TSHZ2: variants seen among roughly 807,000 people sequenced by gnomAD.
TSHZ2 encodes the protein teashirt zinc finger homeobox 2.
In TSHZ2, 21 loss-of-function variants were observed where a neutral mutation model predicts 74.4. The observed-to-expected ratio is 0.28, with a 90% CI of 0.20 to 0.41. The LOEUF (loss-of-function observed/expected upper bound fraction) is 0.41. TSHZ2 is among the 10% of genes least tolerant of loss of function. The probability of loss-of-function intolerance (pLI) is 1.00; values close to 1 mark genes in which losing one functional copy is unlikely to be tolerated. For missense variants in TSHZ2, 1,244 were observed against 1,293.5 expected (o/e 0.96, Z 0.59); for synonymous variants, 540 against 515.3 (o/e 1.05, Z -0.65).
chr20:53,158,063 A>G (rs1487481173), intron 1 of TSHZ2, among the ~76,000 whole-genome samples: 2 of 152,164 alleles, frequency 1.3e-5, no homozygotes, highest in East Asian at 3.9e-4. Flanking sequence ...AGGAGGCGAT[A>G]TTTGAACAAG....
At chr20:53,002,101 C>G (rs1272009866) in intron 1 of TSHZ2, among the ~76,000 whole-genome samples, 3 of 152,188 alleles carry the variant, frequency 2.0e-5, no homozygotes, top group Non-Finnish European at 4.4e-5. Flanking sequence ...AGAGCCGGAA[C>G]TTATTGGACA....
intron 2 of TSHZ2, among the ~76,000 whole-genome samples, chr20:53,352,220 C>T (rs374016065): frequency 2.1e-4 from 31 of 147,984 alleles, no homozygotes; most frequent in African/African-American, 7.5e-4. Context: ...GTTTTGGCCC[C>T]TCTCCTAAGC....
intron 2 of TSHZ2, among the ~76,000 whole-genome samples, chr20:53,423,219 CA>C (rs1196396392): frequency 6.6e-6 from 1 of 152,098 alleles, no homozygotes; most frequent in African/African-American, 2.4e-5. Context: ...GCCAACATGG[CA>C]AAACCCCGTC....
At chr20:53,267,927 T>C (rs1374704065) in intron 2 of TSHZ2, among the ~76,000 whole-genome samples, 1 of 152,190 alleles carries the variant, frequency 6.6e-6, no homozygotes, top group African/African-American at 2.4e-5. Context: ...CTAGTGATTG[T>C]CCAAGGTCAC....
At chr20:53,050,564 C>T (rs142665352) in intron 1 of TSHZ2, among the ~76,000 whole-genome samples, 2 of 152,270 alleles carry the variant, frequency 1.3e-5, no homozygotes, top group East Asian at 3.9e-4. Context: ...GAGAGACATT[C>T]GTAGGGAGCT....
chr20:53,440,575 G>C (rs1275929292), intron 2 of TSHZ2, among the ~76,000 whole-genome samples: 1 of 152,166 alleles, frequency 6.6e-6, no homozygotes, highest in Non-Finnish European at 1.5e-5. Flanking sequence ...CAGCAGTGGG[G>C]AAGACAGGCC....
Position 53,256,498 on chromosome 20 carries a change from AGCAAAAC to A in TSHZ2, c.3044_3050del (p.Lys1015ThrfsTer12), listed in dbSNP as rs1990486996. ...CAAACATGCGGTAAAACTCCACCTAAGCAAAACGCACAGCAAGTCACCCGAACACCAT... is the reference window on the plus strand; with the variant it reads ...CAAACATGCGGTAAAACTCCACCTAAGCACAGCAAGTCACCCGAACACCAT... On this transcript the variant is annotated frameshift_variant, in exon 2 of 3. Transcript: ENST00000371497. LOFTEE classifies it high-confidence loss of function. This position sits in a 1 kb window ranked among gnomAD's most constrained non-coding sequence, Gnocchi z 4.3. The A allele has an allele frequency of 6.2e-7, 1 of 1,613,062 alleles. No homozygotes were observed. Among genetic ancestry groups the A allele is most frequent in the Middle Eastern group, 1.6e-4 (1 of 6,080 alleles).
rs1985516374 is a variant in TSHZ2 at position 53,080,971 on chromosome 20, C to T, written c.40+107638C>T. ...CCCACTGTGTAGTGACAAACATTAG[C>T]TTCTTTAATCTTCATAATGCTGTCG... On this transcript the variant is annotated intron_variant, in intron 1 of 2. Coordinates refer to ENST00000371497, the MANE Select transcript of TSHZ2 (RefSeq NM_173485.6). Among the ~76,000 whole-genome samples, 5 of 152,126 alleles carry T rather than the reference C, an allele frequency of 3.3e-5. No homozygotes were observed. In the South Asian group the frequency reaches 1.0e-3, roughly 32 times the overall value.
intron 2 of TSHZ2, among the ~76,000 whole-genome samples, chr20:53,265,615 C>T (rs1015451268): frequency 3.4e-4 from 52 of 152,340 alleles, no homozygotes; most frequent in African/African-American, 1.2e-3. Context: ...CTGGCTCCCT[C>T]GGGGAAGCCC....
intron 1 of TSHZ2, among the ~76,000 whole-genome samples, chr20:53,031,323 C>CCCACAAATTATAGGACTGACTA (rs1244088867): frequency 1.3e-4 from 20 of 152,300 alleles, no homozygotes; most frequent in Admixed American, 1.0e-3. Context: ...CAACATTCAG[C>CCCACAAATTATAGGACTGACTA]CTTGTCAGTC....
rs976312460 is a variant in TSHZ2 at position 53,493,143 on chromosome 20, C to A, written c.*6008C>A. ...TACTAACTATATCGCCATGTATGAACACAGATTTTGTTATATTTGCTTGTT... is the reference window on the plus strand; with the variant it reads ...TACTAACTATATCGCCATGTATGAAAACAGATTTTGTTATATTTGCTTGTT... On this transcript the variant is annotated 3_prime_UTR_variant, in exon 3 of 3. Transcript: ENST00000371497. 1.3e-5 allele frequency: 2 copies of A among 152,212 alleles called. No individual in the cohort carries two copies. Among genetic ancestry groups the A allele is most frequent in the Admixed American group, 1.3e-4 (2 of 15,282 alleles). The allele number at this position is 152,212 out of a possible 1,614,324, so 9.4% of individuals were successfully genotyped here. A position where few individuals can be genotyped will look rare whatever the true frequency, so the allele number is the denominator to read the frequency against.
At chr20:53,215,807 G>A (rs1479850859) in intron 1 of TSHZ2, among the ~76,000 whole-genome samples, 1 of 151,178 alleles carries the variant, frequency 6.6e-6, no homozygotes, top group African/African-American at 2.4e-5. Context: ...AGCGGAGGTT[G>A]TGGTGAGCCG....
rs1986814866 is a variant in TSHZ2, at chr20:53,121,714, C to A, written c.41-131785C>A. ...TAAAAGTGTATAAACACCAAACAAG[C>A]CAAAGAAAACACATTTTCCAGCGAG... is the stretch of plus-strand genomic sequence containing the variant. On this transcript the variant is annotated intron_variant, in intron 1 of 2. Coordinates refer to ENST00000371497, the MANE Select transcript of TSHZ2 (RefSeq NM_173485.6). Among the ~76,000 whole-genome samples, 4 of 152,058 alleles carry A rather than the reference C, an allele frequency of 2.6e-5. No individual in the cohort carries two copies. In the South Asian group the frequency reaches 8.3e-4, roughly 32 times the overall value.
At chr20:53,340,287 A>G (rs1398947310) in intron 2 of TSHZ2, among the ~76,000 whole-genome samples, 1 of 145,474 alleles carries the variant, frequency 6.9e-6, no homozygotes, top group Non-Finnish European at 1.5e-5. Context: ...AGTTCACGTC[A>G]TTCTCCTGCC....
At chr20:53,135,776 AT>A (rs930491430) in intron 1 of TSHZ2, among the ~76,000 whole-genome samples, 37 of 144,822 alleles carry the variant, frequency 2.6e-4, no homozygotes, top group Non-Finnish European at 2.7e-4. Context: ...CTAATGTTTT[AT>A]TTTTTTTTTT....
chr20:53,068,799 A>C (rs1985077423), intron 1 of TSHZ2, among the ~76,000 whole-genome samples: 1 of 152,132 alleles, frequency 6.6e-6, no homozygotes. Flanking sequence ...GGTCCTTTTC[A>C]TGCACTCTTT....
chr20:53,469,175 T>G (rs1383508485), intron 2 of TSHZ2, among the ~76,000 whole-genome samples: 1 of 150,294 alleles, frequency 6.7e-6, no homozygotes, highest in Non-Finnish European at 1.5e-5. Context: ...GAGAGGTTTT[T>G]TTCTCTGTAA....
intron 1 of TSHZ2, among the ~76,000 whole-genome samples, chr20:53,238,701 G>C (rs1308801519): frequency 6.6e-6 from 1 of 151,950 alleles, no homozygotes; most frequent in Non-Finnish European, 1.5e-5. Flanking sequence ...ATGCACTGGG[G>C]TACCATGAAA....
At chr20:53,249,545 A>C (rs1321078977) in intron 1 of TSHZ2, among the ~76,000 whole-genome samples, 1 of 152,210 alleles carries the variant, frequency 6.6e-6, no homozygotes, top group Non-Finnish European at 1.5e-5. Flanking sequence ...GACATCAGCA[A>C]AGGCCTCACT....
Sources: gnomAD v4.1 joint callset for allele counts (sites outside exome capture counted in the v4.1 genomes callset) on GRCh38, gnomAD v4.1.1 for gene constraint, Gnocchi (gnomAD v3.1) non-coding constraint, MANE v1.5 for transcripts, NCBI Gene and HGNC (gene_info 2026-07-23, HGNC 2026-07-21) for gene names.